Variants in ARMH3 observed in about 807,000 individuals in gnomAD.
ARMH3 encodes the protein armadillo-like helical domain-containing protein 3.
ARMH3 carries 60 observed loss-of-function variants against 99.1 expected under a neutral mutation model. That is an observed-to-expected ratio of 0.61 (90% CI 0.49 to 0.75). The LOEUF is 0.75. ARMH3 is among the 30% of genes least tolerant of loss of function. The pLI, the probability that ARMH3 is intolerant of heterozygous loss-of-function variation, is 0.00. For missense variants in ARMH3, 679 were observed against 843.1 expected, an observed-to-expected ratio of 0.81 and a Z score of 2.41; for synonymous variants, 285 against 292.8, an observed-to-expected ratio of 0.97 and a Z score of 0.27.
chr10:102,053,255 A>G (rs7905680), intron 1 of ARMH3, among the ~76,000 whole-genome samples: 30,821 of 149,208 alleles, frequency 0.21, 3,563 homozygotes, highest in East Asian at 0.52. Flanking sequence ...AAAAATTCCA[A>G]TGACTCCCCA....
chr10:101,939,752 A>G (rs1844154287), intron 23 of ARMH3, 111 bp downstream of exon 23: 1 of 857,296 alleles, frequency 1.2e-6, no homozygotes, highest in Non-Finnish European at 1.8e-6. Context: ...CCACTCCTAC[A>G]GACATCAAGG....
intron 23 of ARMH3, among the ~76,000 whole-genome samples, chr10:101,913,986 A>G (rs986430926): frequency 4.6e-5 from 7 of 152,190 alleles, no homozygotes; most frequent in African/African-American, 1.7e-4. Flanking sequence ...ATTCTACCCT[A>G]TGAAATCTTG....
chr10:102,019,337 C>T (rs2066823905), intron 8 of ARMH3, among the ~76,000 whole-genome samples: 1 of 151,954 alleles, frequency 6.6e-6, no homozygotes, highest in African/African-American at 2.4e-5. Context: ...GCATAAGCCA[C>T]CACACCCAGC....
intron 2 of ARMH3, among the ~76,000 whole-genome samples, chr10:102,038,830 C>G (rs1206059514): frequency 6.6e-6 from 1 of 151,886 alleles, no homozygotes; most frequent in African/African-American, 2.4e-5. Flanking sequence ...GCCTTGACCT[C>G]CTGGGCTTAA....
At chr10:101,978,406 T>G (rs1461520786) in intron 19 of ARMH3, among the ~76,000 whole-genome samples, 2 of 152,136 alleles carry the variant, frequency 1.3e-5, no homozygotes, top group African/African-American at 2.4e-5. Context: ...AAAATAAAAA[T>G]AGTACAACCA....
At chr10:101,915,725 A>G (rs565821731) in intron 23 of ARMH3, among the ~76,000 whole-genome samples, 22 of 152,180 alleles carry the variant, frequency 1.4e-4, no homozygotes, top group African/African-American at 5.3e-4. Flanking sequence ...GCCCCAGTCT[A>G]AGTACAGAGG....
intron 13 of ARMH3, among the ~76,000 whole-genome samples, chr10:102,008,730 AT>A (rs530749445): frequency 2.7e-5 from 4 of 147,214 alleles, no homozygotes; most frequent in South Asian, 4.3e-4. Context: ...TTTTTTTTTA[AT>A]TTTTTTTTTA....
chr10:101,942,743 G>A (rs889804198), intron 22 of ARMH3, among the ~76,000 whole-genome samples: 2 of 152,004 alleles, frequency 1.3e-5, no homozygotes, highest in Admixed American at 6.6e-5. Context: ...GCACATGCCA[G>A]TAGTCCCAAC....
At chr10:101,953,865 C>T (rs1236876951) in intron 22 of ARMH3, among the ~76,000 whole-genome samples, 1 of 152,074 alleles carries the variant, frequency 6.6e-6, no homozygotes, top group Non-Finnish European at 1.5e-5. Flanking sequence ...ACCCCAAAAT[C>T]CCATTGCTAG....
intron 20 of ARMH3, among the ~76,000 whole-genome samples, chr10:101,962,262 C>T (rs1845330327): frequency 6.6e-6 from 1 of 152,224 alleles, no homozygotes; most frequent in Non-Finnish European, 1.5e-5. Context: ...CCATACTCCA[C>T]ATCCCTGGGA....
chr10:102,006,125 C>T (rs1478681531), intron 14 of ARMH3, among the ~76,000 whole-genome samples: 1 of 152,208 alleles, frequency 6.6e-6, no homozygotes, highest in Admixed American at 6.5e-5. Context: ...GCCTTAATTC[C>T]CTCATTGATC....
At chr10:101,972,465 T>C (rs915618013) in intron 20 of ARMH3, among the ~76,000 whole-genome samples, 1 of 152,188 alleles carries the variant, frequency 6.6e-6, no homozygotes, top group African/African-American at 2.4e-5. Context: ...ATAAGCATAT[T>C]TGCCATGATG....
At chr10:101,861,318 T>C (rs913931879) in intron 24 of ARMH3, among the ~76,000 whole-genome samples, 1 of 151,860 alleles carries the variant, frequency 6.6e-6, no homozygotes, top group African/African-American at 2.4e-5. Context: ...GGAAAAAAAA[T>C]AGTTAACTTA....
chr10:102,009,975 A>G lies in ARMH3; in HGVS notation c.878+2T>C. 6.2e-7 allele frequency: 1 copy of G among 1,613,802 alleles called. No homozygotes were observed. Among genetic ancestry groups the G allele is most frequent in the Non-Finnish European group, 8.5e-7 (1 of 1,179,760 alleles). ...CACTGCACAAGAATGTCAGGCACTT[A>G]CTGTACTGAGATTTTCTCATGGGCA... On this transcript the variant is annotated splice_donor_variant, in intron 12 of 25. Transcript: ENST00000370033. LOFTEE classifies it high-confidence loss of function.
intron 25 of ARMH3, among the ~76,000 whole-genome samples, chr10:101,848,854 T>C (rs760138363): frequency 1.3e-5 from 2 of 152,180 alleles, no homozygotes; most frequent in Non-Finnish European, 2.9e-5. Context: ...CATAAAAATG[T>C]TCCACTCTGC....
chr10:102,003,584 G>A (rs1171853736), intron 14 of ARMH3, among the ~76,000 whole-genome samples: 1 of 152,126 alleles, frequency 6.6e-6, no homozygotes, highest in African/African-American at 2.4e-5. Flanking sequence ...GTCTTATAAT[G>A]GCCCAAAAAA....
At chr10:101,849,344 C>T (rs2066532562) in intron 25 of ARMH3, among the ~76,000 whole-genome samples, 1 of 152,140 alleles carries the variant, frequency 6.6e-6, no homozygotes, top group Non-Finnish European at 1.5e-5. Flanking sequence ...CTGCAGGAAG[C>T]TAAGTGATTG....
intron 23 of ARMH3, among the ~76,000 whole-genome samples, chr10:101,904,250 C>A (rs779026438): frequency 6.6e-6 from 1 of 152,158 alleles, no homozygotes; most frequent in Non-Finnish European, 1.5e-5. Context: ...TTTAATGCCA[C>A]GAAGAGCCTG....
At chr10:101,945,455 C>T (rs1046395489) in intron 22 of ARMH3, among the ~76,000 whole-genome samples, 2 of 152,112 alleles carry the variant, frequency 1.3e-5, no homozygotes, top group African/African-American at 2.4e-5. Context: ...CGGTGGCTCG[C>T]GCTTGTAATC....
Sources: allele counts gnomAD v4.1 joint callset (sites outside exome capture counted in the v4.1 genomes callset), GRCh38; gene constraint gnomAD v4.1.1; transcripts MANE v1.5; gene names NCBI Gene and HGNC (gene_info 2026-07-23, HGNC 2026-07-21).